The following ASCC3 variants were observed in gnomAD, a reference collection of about 807,000 sequenced individuals.
ASCC3 encodes ASC-1 complex subunit P200.
A neutral mutation model predicts 256.3 loss-of-function variants in ASCC3; 158 were observed. The observed-to-expected ratio is 0.62, with a 90% CI of 0.54 to 0.70. The LOEUF (loss-of-function observed/expected upper bound fraction) is 0.70, where lower values mean the gene tolerates loss of function less well. ASCC3 is among the 30% of genes least tolerant of loss of function. The pLI, the probability that ASCC3 is intolerant of heterozygous loss-of-function variation, is 0.00. For synonymous variants in ASCC3, 948 were observed against 883.4 expected, an observed-to-expected ratio of 1.07 and a Z score of -1.30; for missense variants, 2,259 against 2,626.0, an observed-to-expected ratio of 0.86 and a Z score of 3.05.
chr6:100,648,638 C>T (rs982217035), intron 20 of ASCC3, among the ~76,000 whole-genome samples: 2 of 151,890 alleles, frequency 1.3e-5, no homozygotes, highest in Admixed American at 6.6e-5. Context: ...CTGAATGGGT[C>T]TTTATAAGGC....
At position 100,864,215 on chromosome 6, in the gene ASCC3, C is replaced by G; in HGVS notation, c.91-1G>C. 1 of 1,594,948 alleles carries G rather than the reference C, an allele frequency of 6.3e-7. No individual in the cohort carries two copies. The highest frequency in any genetic ancestry group is 8.6e-7 in the Non-Finnish European group (1 of 1,165,996). The stretch of plus-strand genomic sequence containing the variant: ...GTTCATGAAGTTTAGATCGCTTTAT[C>G]TGAAACAGAGATTATAATGTAGAAA... On this transcript the variant is annotated splice_acceptor_variant, in intron 2 of 41. Coordinates refer to ENST00000369162, the MANE Select transcript of ASCC3 (RefSeq NM_006828.4). LOFTEE classifies it high-confidence loss of function.
chr6:100,868,955 A>G (rs2114558391), intron 1 of ASCC3, among the ~76,000 whole-genome samples: 1 of 152,344 alleles, frequency 6.6e-6, no homozygotes, highest in Non-Finnish European at 1.5e-5. Flanking sequence ...CTGATCTATG[A>G]AAGACTCTTG....
At chr6:100,681,964 A>G (rs1177923731) in intron 13 of ASCC3, among the ~76,000 whole-genome samples, 1 of 152,084 alleles carries the variant, frequency 6.6e-6, no homozygotes, top group Non-Finnish European at 1.5e-5. Flanking sequence ...TGACTGATAA[A>G]CACTATTTAA....
intron 10 of ASCC3, among the ~76,000 whole-genome samples, chr6:100,756,854 T>A (rs953729304): frequency 5.9e-5 from 9 of 151,984 alleles, no homozygotes; most frequent in Non-Finnish European, 1.2e-4. Context: ...AATATAAAAT[T>A]TTTTTTTAAA....
At chr6:100,636,700 G>A (rs1000094467) in intron 25 of ASCC3, among the ~76,000 whole-genome samples, 3 of 152,190 alleles carry the variant, frequency 2.0e-5, no homozygotes, top group Admixed American at 2.0e-4. Flanking sequence ...AATGAAAAGT[G>A]CTACTTCATT....
chr6:100,671,484 C>A (rs1055339345), intron 14 of ASCC3, among the ~76,000 whole-genome samples: 9 of 151,992 alleles, frequency 5.9e-5, no homozygotes, highest in African/African-American at 2.2e-4. Context: ...ACATGGAAAT[C>A]CAGCACAAAA....
intron 30 of ASCC3, among the ~76,000 whole-genome samples, chr6:100,613,644 T>C (rs1773520188): frequency 6.6e-6 from 1 of 152,164 alleles, no homozygotes; most frequent in Non-Finnish European, 1.5e-5. Flanking sequence ...AATATATGAG[T>C]GCAGGTATCT....
intron 13 of ASCC3, among the ~76,000 whole-genome samples, chr6:100,712,736 T>A (rs1003190614): frequency 1.3e-4 from 19 of 149,640 alleles, no homozygotes; most frequent in African/African-American, 4.7e-4. Context: ...TACCATATGA[T>A]CTAGCAATTA....
At chr6:100,683,916 C>A (rs1705263732) in intron 13 of ASCC3, among the ~76,000 whole-genome samples, 2 of 151,908 alleles carry the variant, frequency 1.3e-5, no homozygotes, top group African/African-American at 4.8e-5. Flanking sequence ...ACTGCAAAAG[C>A]CTTTTATATT....
At chr6:100,632,584 G>C (rs1774611020) in intron 25 of ASCC3, among the ~76,000 whole-genome samples, 1 of 152,038 alleles carries the variant, frequency 6.6e-6, no homozygotes, top group African/African-American at 2.4e-5. Flanking sequence ...CAAAGCTACA[G>C]TAATCATAAC....
intron 13 of ASCC3, among the ~76,000 whole-genome samples, chr6:100,714,450 C>A (rs1283886259): frequency 6.6e-6 from 1 of 151,968 alleles, no homozygotes; most frequent in Non-Finnish European, 1.5e-5. Context: ...AGCTCATGGC[C>A]TGGATCTGAA....
At chr6:100,606,633 C>A in intron 32 of ASCC3, 107 bp downstream of exon 32, 1 of 1,279,146 alleles carries the variant, frequency 7.8e-7, no homozygotes, top group South Asian at 1.6e-5. Context: ...TAAATGTGAC[C>A]AATTCTCAGA....
intron 36 of ASCC3, among the ~76,000 whole-genome samples, chr6:100,574,548 G>A (rs973643071): frequency 1.3e-5 from 2 of 151,750 alleles, no homozygotes; most frequent in Non-Finnish European, 2.9e-5. Context: ...AATATATTTT[G>A]CTATCTAAAC....
chr6:100,833,166 A>C (rs114412621), intron 4 of ASCC3, among the ~76,000 whole-genome samples: 1 of 152,292 alleles, frequency 6.6e-6, no homozygotes, highest in African/African-American at 2.4e-5. Flanking sequence ...ACATGGAGGA[A>C]TCTTAAATGC....
chr6:100,582,902 T>G (rs1156920277), intron 36 of ASCC3, among the ~76,000 whole-genome samples: 1 of 152,198 alleles, frequency 6.6e-6, no homozygotes, highest in Non-Finnish European at 1.5e-5. Flanking sequence ...TTGATTTGCG[T>G]ATATTGAACC....
At chr6:100,833,158 A>G (rs191307774) in intron 4 of ASCC3, among the ~76,000 whole-genome samples, 8 of 152,278 alleles carry the variant, frequency 5.3e-5, no homozygotes, top group African/African-American at 1.9e-4. Flanking sequence ...ATGAAAATAC[A>G]TGGAGGAATC....
At chr6:100,781,680 G>A (rs769545352) in intron 8 of ASCC3, among the ~76,000 whole-genome samples, 50 of 151,630 alleles carry the variant, frequency 3.3e-4, no homozygotes, top group African/African-American at 7.5e-4. Flanking sequence ...GAGCCACCGC[G>A]CCCGGCCAGT....
chr6:100,548,078 T>C (rs1461111924), intron 36 of ASCC3, among the ~76,000 whole-genome samples: 1 of 150,912 alleles, frequency 6.6e-6, no homozygotes, highest in Non-Finnish European at 1.5e-5. Flanking sequence ...TAGGATTTCA[T>C]TTATATCCTA....
At chr6:100,568,330 T>G (rs1582463229) in intron 36 of ASCC3, among the ~76,000 whole-genome samples, 1 of 150,276 alleles carries the variant, frequency 6.7e-6, no homozygotes, top group South Asian at 2.1e-4. Flanking sequence ...ATCACGCCAC[T>G]GCACTCCAGC....
Sources: allele counts gnomAD v4.1 joint callset (sites outside exome capture counted in the v4.1 genomes callset), GRCh38; gene constraint gnomAD v4.1.1; transcripts MANE v1.5; gene names NCBI Gene and HGNC (gene_info 2026-07-23, HGNC 2026-07-21).